RBFOX1: variants seen among roughly 807,000 people sequenced by gnomAD.
The protein encoded by RBFOX1 is RNA binding fox-1 homolog 1, also known as RNA binding protein fox-1 homolog 1.
RBFOX1 carries 8 observed loss-of-function variants against 57.7 expected under a neutral mutation model. The observed-to-expected ratio is 0.14, with a 90% CI of 0.08 to 0.25. RBFOX1 has a LOEUF of 0.25. Ranked by LOEUF, RBFOX1 falls within the 10% of genes least tolerant of loss-of-function variation. The probability of loss-of-function intolerance (pLI) is 1.00; values close to 1 mark genes in which losing one functional copy is unlikely to be tolerated. For missense variants in RBFOX1, 611 were observed against 548.5 expected (o/e 1.11, Z -1.14); for synonymous variants, 326 against 222.4 (o/e 1.47, Z -4.15).
At chr16:7,395,685 G>A (rs1174512964) in intron 4 of RBFOX1, among the ~76,000 whole-genome samples, 1 of 152,182 alleles carries the variant, frequency 6.6e-6, no homozygotes, top group Non-Finnish European at 1.5e-5. Context: ...TTAAATAGAT[G>A]TGTCTATAGA....
At chr16:6,453,575 G>T (rs1373823751) in intron 2 of RBFOX1, among the ~76,000 whole-genome samples, 1 of 152,098 alleles carries the variant, frequency 6.6e-6, no homozygotes, top group African/African-American at 2.4e-5. Flanking sequence ...AGGACCAGAC[G>T]GATTCACAGT....
chr16:7,492,471 C>T (rs1469236292), intron 4 of RBFOX1, among the ~76,000 whole-genome samples: 2 of 152,094 alleles, frequency 1.3e-5, no homozygotes, highest in East Asian at 3.8e-4. Context: ...CTGCCTGTCA[C>T]CTACCCTAGA....
Position 7,712,151 on chromosome 16 carries a change from C to A in RBFOX1, c.*1406C>A, listed in dbSNP as rs180817726. 1 of 152,602 alleles carries A rather than the reference C, an allele frequency of 6.6e-6. No homozygotes were observed. The highest frequency in any genetic ancestry group is 1.5e-5 in the Non-Finnish European group (1 of 68,042). The allele number at this position is 152,602 out of a possible 1,614,324, so 9.5% of individuals were successfully genotyped here. Reference sequence around the variant, plus strand: ...CAGTTTGTCTGTACTTCTGTTTGAACTTTCCACGTTGTCCTGTTTACAAGT... The same window carrying A: ...CAGTTTGTCTGTACTTCTGTTTGAAATTTCCACGTTGTCCTGTTTACAAGT... On this transcript the variant is annotated 3_prime_UTR_variant, in exon 16 of 16. Coordinates refer to ENST00000550418, the MANE Select transcript of RBFOX1 (RefSeq NM_018723.4).
chr16:5,854,196 C>T lies in RBFOX1; in HGVS notation c.319-13107C>T, dbSNP rs566006644. 1.3e-3 allele frequency among the ~76,000 whole-genome samples: 202 copies of T among 152,244 alleles called. 1 individual carries two copies. The highest frequency in any genetic ancestry group is 3.4e-3 in the Middle Eastern group (1 of 294). ...GATTTGAGTGTGCCTGGTGAGAACA[C>T]GTAAGATCAACTTCTTCAGAAATAT... On this transcript the variant is annotated intron_variant, in intron 3 of 19. Transcript: ENST00000641259.
chr16:6,788,009 G>A (rs1029311420), intron 3 of RBFOX1, among the ~76,000 whole-genome samples: 1 of 152,030 alleles, frequency 6.6e-6, no homozygotes, highest in Non-Finnish European at 1.5e-5. Context: ...GACCGCTTGA[G>A]GTCAGGAGTT....
chr16:6,878,607 C>T (rs2062293353), intron 3 of RBFOX1, among the ~76,000 whole-genome samples: 1 of 151,934 alleles, frequency 6.6e-6, no homozygotes, highest in African/African-American at 2.4e-5. Context: ...CTCATGTGAA[C>T]ATTTTGTTTG....
rs575874623 is a variant in RBFOX1, at chr16:6,768,076, T to G, written c.-16+113426T>G. On this transcript the variant is annotated intron_variant, in intron 3 of 15. Transcript: ENST00000550418. ...TAGTGAATTTTCTCCCTTAGTTATT[T>G]AGCTGGAAATATGAATCCACTGATA... is the stretch of plus-strand genomic sequence containing the variant. Among the ~76,000 whole-genome samples, 3 of 151,728 alleles carry G rather than the reference T, an allele frequency of 2.0e-5. No individual in the cohort carries two copies. The East Asian group carries it at 5.8e-4, about 29-fold the overall frequency.
chr16:6,799,737 C>T (rs767704831), intron 3 of RBFOX1, among the ~76,000 whole-genome samples: 12 of 152,096 alleles, frequency 7.9e-5, no homozygotes, highest in East Asian at 1.9e-4. Flanking sequence ...TACTTCTTGC[C>T]CTTGACCATC....
chr16:7,406,814 G>C (rs2098348825), intron 4 of RBFOX1, among the ~76,000 whole-genome samples: 1 of 152,222 alleles, frequency 6.6e-6, no homozygotes, highest in African/African-American at 2.4e-5. Context: ...GGCTTCTGCA[G>C]GGCTGTTTCT....
chr16:6,973,671 C>G (rs2086109150), intron 3 of RBFOX1, among the ~76,000 whole-genome samples: 2 of 151,906 alleles, frequency 1.3e-5, no homozygotes, highest in African/African-American at 4.8e-5. Context: ...AAAATAAACC[C>G]ATTTGGGATT....
In RBFOX1 at chr16:6,351,379, T is replaced by C. The variant is rs1283309816; in HGVS notation, c.-64+34322T>C. Among the ~76,000 whole-genome samples, 6 of 142,256 alleles carry C rather than the reference T, an allele frequency of 4.2e-5. No homozygotes were observed. In the East Asian group the frequency reaches 8.0e-4, roughly 19 times the overall value. The allele number at this position is 142,256 out of a possible 152,430, so 93.3% of individuals were successfully genotyped here. On this transcript the variant is annotated intron_variant, in intron 2 of 15. Transcript: ENST00000550418. ...ATATATATATATATATATATTTTTTTTTTTTTTTCTTGAGGCAGAGTTTTG... is the reference window on the plus strand; with the variant it reads ...ATATATATATATATATATATTTTTTCTTTTTTTTCTTGAGGCAGAGTTTTG...
chr16:6,726,386 C>T (rs7199169), intron 3 of RBFOX1, among the ~76,000 whole-genome samples: 4 of 136,250 alleles, frequency 2.9e-5, no homozygotes, highest in African/African-American at 7.7e-5. Flanking sequence ...AAAAATAAAA[C>T]GCTATTTTTT....
intron 1 of RBFOX1, among the ~76,000 whole-genome samples, chr16:6,229,884 C>T (rs963602806): frequency 1.3e-5 from 2 of 151,834 alleles, no homozygotes; most frequent in African/African-American, 2.4e-5. Flanking sequence ...TGTAGCATAT[C>T]GCATGTCTTA....
intron 11 of RBFOX1, among the ~76,000 whole-genome samples, chr16:7,633,604 A>T (rs1471416909): frequency 6.6e-6 from 1 of 152,256 alleles, no homozygotes; most frequent in African/African-American, 2.4e-5. Context: ...AAGCAAAATG[A>T]AAACTAGTTT....
At chr16:5,634,146 T>A (rs1389269125) in intron 3 of RBFOX1, among the ~76,000 whole-genome samples, 2 of 152,244 alleles carry the variant, frequency 1.3e-5, no homozygotes, top group Non-Finnish European at 2.9e-5. Flanking sequence ...TCTTTGCACA[T>A]AGCAAATTCA....
chr16:5,362,076 AAT>A (rs2065567775), intron 1 of RBFOX1, among the ~76,000 whole-genome samples: 1 of 152,246 alleles, frequency 6.6e-6, no homozygotes, highest in African/African-American at 2.4e-5. Context: ...CATTTAACTT[AAT>A]ATTGAACATG....
chr16:7,276,181 G>A (rs1179458682), intron 4 of RBFOX1, among the ~76,000 whole-genome samples: 1 of 152,218 alleles, frequency 6.6e-6, no homozygotes, highest in Non-Finnish European at 1.5e-5. Flanking sequence ...ACCATGCCAA[G>A]TCTGAAGTGA....
chr16:5,827,045 G>GAATATTCT (rs2056082975), intron 3 of RBFOX1, among the ~76,000 whole-genome samples: 1 of 152,100 alleles, frequency 6.6e-6, no homozygotes, highest in South Asian at 2.1e-4. Flanking sequence ...TTGACTCTAC[G>GAATATTCT]AATATTCTTT....
intron 1 of RBFOX1, among the ~76,000 whole-genome samples, chr16:6,282,557 C>T (rs1021291018): frequency 8.6e-5 from 13 of 151,916 alleles, no homozygotes; most frequent in African/African-American, 1.9e-4. Flanking sequence ...CCCCGACAGG[C>T]CCCAGTGTGT....
Sources: allele counts gnomAD v4.1 joint callset (sites outside exome capture counted in the v4.1 genomes callset), GRCh38; gene constraint gnomAD v4.1.1; transcripts MANE v1.5; gene names NCBI Gene and HGNC (gene_info 2026-07-23, HGNC 2026-07-21).